Variants in C13orf42 observed in about 807,000 individuals in gnomAD.
C13orf42 encodes chromosome 13 open reading frame 42, also known as uncharacterized protein C13orf42.
At chr13:51,146,020 A>G (rs1347338043) in intron 1 of C13orf42, among the ~76,000 whole-genome samples, 1 of 152,220 alleles carries the variant, frequency 6.6e-6, no homozygotes, top group Non-Finnish European at 1.5e-5. Flanking sequence ...CATAGAAGAC[A>G]AGACAAATAA....
chr13:51,126,777 T>A (rs11148209), intron 1 of C13orf42, among the ~76,000 whole-genome samples: 18,812 of 152,136 alleles, frequency 0.12, 1,281 homozygotes, highest in African/African-American at 0.16. Flanking sequence ...TGCCAGTTCT[T>A]TTTGATGGAC....
chr13:51,085,218 A>C (rs1403601458), intron 3 of C13orf42, 101 bp downstream of exon 3: 1 of 331,062 alleles, frequency 3.0e-6, no homozygotes, highest in Non-Finnish European at 5.3e-6. Flanking sequence ...TATGAATAAT[A>C]TTTGGCATGT....
chr13:51,141,678 A>C (rs552554662), intron 1 of C13orf42, among the ~76,000 whole-genome samples: 1 of 152,132 alleles, frequency 6.6e-6, no homozygotes, highest in Non-Finnish European at 1.5e-5. Context: ...AGCACCTGTA[A>C]TCCCAACTAC....
At chr13:51,130,371 G>A (rs754258589) in intron 1 of C13orf42, among the ~76,000 whole-genome samples, 1 of 152,100 alleles carries the variant, frequency 6.6e-6, no homozygotes, top group Admixed American at 6.6e-5. Context: ...ATGCAAAGAA[G>A]GTTATAAAGA....
At chr13:51,151,340 C>T (rs1953776102) in intron 1 of C13orf42, among the ~76,000 whole-genome samples, 2 of 151,246 alleles carry the variant, frequency 1.3e-5, no homozygotes, top group Admixed American at 1.3e-4. Context: ...GGGCCAGAAG[C>T]CAAGAAATGC....
intron 1 of C13orf42, among the ~76,000 whole-genome samples, chr13:51,118,654 A>G (rs1337750661): frequency 6.6e-6 from 1 of 152,176 alleles, no homozygotes; most frequent in East Asian, 1.9e-4. Flanking sequence ...TTCTTCAGGC[A>G]GCAGCAAGAA....
intron 1 of C13orf42, among the ~76,000 whole-genome samples, chr13:51,137,156 TAAAC>T (rs1351102475): frequency 2.0e-5 from 3 of 152,338 alleles, no homozygotes; most frequent in Admixed American, 2.0e-4. Context: ...ATGTGGAAAT[TAAAC>T]AAATTATGCA....
rs113649039 is a variant in C13orf42 at position 51,097,748 on chromosome 13, AT to A, written c.415-9674del. Among the ~76,000 whole-genome samples the A allele has an allele frequency of 1.6e-3, 229 of 145,708 alleles. 1 individual carries two copies. The South Asian group carries it at 0.018, about 11-fold the overall frequency. On this transcript the variant is annotated intron_variant, in intron 1 of 3. Transcript: ENST00000563710. The stretch of plus-strand genomic sequence containing the variant: ...GTGGATTGCTTCCCTCCCAATCTTG[AT>A]TTTTTTTTTTTTCCTAGCCCAGACC...
At chr13:51,104,064 A>T (rs1466586940) in intron 1 of C13orf42, among the ~76,000 whole-genome samples, 2 of 152,248 alleles carry the variant, frequency 1.3e-5, no homozygotes, top group African/African-American at 4.8e-5. Context: ...ACTGTTTCAT[A>T]TTTAAAGAAA....
In C13orf42 at chr13:51,124,411, G is replaced by T. The variant is rs1298045094; in HGVS notation, n.137-11189C>A. Reference sequence around the variant, plus strand: ...AATCGGCTGTCTAGGCTGCGGACAAGGTGAATCCACTGGGCGGTTACATAA... The same window carrying T: ...AATCGGCTGTCTAGGCTGCGGACAATGTGAATCCACTGGGCGGTTACATAA... On this transcript the variant is annotated intron_variant and non_coding_transcript_variant, in intron 1 of 4. Coordinates refer to the C13orf42 transcript ENST00000433280. Among the ~76,000 whole-genome samples the T allele has an allele frequency of 3.9e-5, 6 of 152,272 alleles. No homozygotes were observed. The East Asian group carries it at 1.2e-3, about 29-fold the overall frequency.
At chr13:51,096,025 GAGTCAATCTAGAT>G (rs1463554076) in intron 1 of C13orf42, among the ~76,000 whole-genome samples, 1 of 152,098 alleles carries the variant, frequency 6.6e-6, no homozygotes, top group Non-Finnish European at 1.5e-5. Flanking sequence ...GTTTGGTTTT[GAGTCAATCTAGAT>G]AAGATTTTAG....
chr13:51,114,624 A>G (rs1334531434), upstream of C13orf42, among the ~76,000 whole-genome samples: 3 of 95,446 alleles, frequency 3.1e-5, no homozygotes, highest in Non-Finnish European at 4.6e-5. Context: ...TGATAGATAG[A>G]TAGATAGATA....
At position 51,164,167 on chromosome 13, in the gene C13orf42, G is replaced by T. The variant is rs182670992; in HGVS notation, n.136+8086C>A. 5.3e-5 allele frequency among the ~76,000 whole-genome samples: 8 copies of T among 152,284 alleles called. No homozygotes were observed. In the East Asian group the frequency reaches 9.7e-4, roughly 18 times the overall value. ...GATTACGTTCCAAAACTTCAAAATTGAAGTCATGTCTACTGATATGAAGTG... is the reference window on the plus strand; with the variant it reads ...GATTACGTTCCAAAACTTCAAAATTTAAGTCATGTCTACTGATATGAAGTG... On this transcript the variant is annotated intron_variant and non_coding_transcript_variant, in intron 1 of 4. Coordinates refer to the C13orf42 transcript ENST00000433280.
intron 2 of C13orf42, among the ~76,000 whole-genome samples, chr13:51,085,882 C>G (rs1953119136): frequency 6.6e-6 from 1 of 152,178 alleles, no homozygotes; most frequent in Admixed American, 6.5e-5. Context: ...AACCCCATCT[C>G]TATTAAAAAT....
At chr13:51,167,287 T>A (rs1156962952) in intron 1 of C13orf42, among the ~76,000 whole-genome samples, 2 of 152,062 alleles carry the variant, frequency 1.3e-5, no homozygotes, top group Non-Finnish European at 2.9e-5. Flanking sequence ...ATACACATGC[T>A]TTTATATAAA....
At chr13:51,130,358 T>C (rs1953607178) in intron 1 of C13orf42, among the ~76,000 whole-genome samples, 1 of 152,136 alleles carries the variant, frequency 6.6e-6, no homozygotes, top group South Asian at 2.1e-4. Context: ...GTGCCCCCTA[T>C]CTATGCAAAG....
chr13:51,169,474 T>C (rs768772967), intron 1 of C13orf42, among the ~76,000 whole-genome samples: 15 of 152,202 alleles, frequency 9.9e-5, no homozygotes, highest in Non-Finnish European at 1.9e-4. Context: ...AATTTGCATA[T>C]GTAAAGAGGA....
chr13:51,110,707 C>A (rs2138003332), intron 1 of C13orf42, 89 bp downstream of exon 1: 1 of 397,602 alleles, frequency 2.5e-6, no homozygotes, highest in East Asian at 3.6e-5. Context: ...ATTAATTAAG[C>A]CATGCAGAGG....
intron 1 of C13orf42, among the ~76,000 whole-genome samples, chr13:51,119,923 G>C (rs535295251): frequency 2.2e-4 from 33 of 152,016 alleles, no homozygotes; most frequent in Non-Finnish European, 4.7e-4. Context: ...AGATTCCCAA[G>C]GCCCTCTAGA....
Sources: gnomAD v4.1 joint callset for allele counts (sites outside exome capture counted in the v4.1 genomes callset) on GRCh38, gnomAD v4.1.1 for gene constraint, MANE v1.5 for transcripts, NCBI Gene and HGNC (gene_info 2026-07-23, HGNC 2026-07-21) for gene names.